UNC13C: variants seen among roughly 807,000 people sequenced by gnomAD.
The protein encoded by UNC13C is protein unc-13 homolog C.
A neutral mutation model predicts 245.4 loss-of-function variants in UNC13C; 174 were observed. The ratio of observed to expected loss-of-function variants is 0.71; its 90% CI spans 0.63 to 0.80. The LOEUF (loss-of-function observed/expected upper bound fraction) is 0.80, where lower values mean the gene tolerates loss of function less well. UNC13C is among the 30% of genes least tolerant of loss of function. UNC13C has a pLI of 0.00. For synonymous variants in UNC13C, 992 were observed against 895.1 expected, an observed-to-expected ratio of 1.11 and a Z score of -1.93; for missense variants, 2,829 against 2,602.9, an observed-to-expected ratio of 1.09 and a Z score of -1.89.
At chr15:54,214,613 A>G (rs1328917085) in intron 4 of UNC13C, among the ~76,000 whole-genome samples, 3 of 151,992 alleles carry the variant, frequency 2.0e-5, no homozygotes, top group Non-Finnish European at 4.4e-5. Context: ...CTTCTAAAGG[A>G]TAGTGTGATT....
At chr15:53,964,936 C>A in the UNC13C span, among the ~76,000 whole-genome samples, 3 of 152,138 alleles carry the variant, frequency 2.0e-5, no homozygotes, top group Non-Finnish European at 2.9e-5. Context: ...CAAGACATAG[C>A]CTGCCCCAAG....
chr15:54,161,300 G>C (rs2032963862), intron 4 of UNC13C, among the ~76,000 whole-genome samples: 1 of 151,990 alleles, frequency 6.6e-6, no homozygotes, highest in African/African-American at 2.4e-5. Context: ...AATAAACAGG[G>C]ACATAAGGCC....
intron 2 of UNC13C, among the ~76,000 whole-genome samples, chr15:54,115,404 TATA>T (rs921920489): frequency 7.9e-5 from 12 of 152,124 alleles, no homozygotes; most frequent in African/African-American, 2.2e-4. Context: ...TTCTTTATTT[TATA>T]ATAAGTCAGT....
At chr15:54,475,148 G>T (rs1218923358) in intron 19 of UNC13C, among the ~76,000 whole-genome samples, 1 of 151,702 alleles carries the variant, frequency 6.6e-6, no homozygotes, top group Non-Finnish European at 1.5e-5. Context: ...GTGCTTTTGA[G>T]GTCTTAGCCA....
rs79063429 is a variant in UNC13C, at chr15:54,391,047, C to T, written c.4714-2001C>T. The stretch of plus-strand genomic sequence containing the variant: ...AAAAGAGTGATGGAAGTACAATTTG[C>T]GACAGGTAAGGGACTTGGGAATGAA... On this transcript the variant is annotated intron_variant, in intron 17 of 32. Coordinates refer to ENST00000260323, the MANE Select transcript of UNC13C (RefSeq NM_001080534.3). Among the ~76,000 whole-genome samples, 684 of 152,168 alleles carry T rather than the reference C, an allele frequency of 4.5e-3. 30 individuals are homozygous for T. The East Asian group carries it at 0.093, about 21-fold the overall frequency.
chr15:54,528,206 A>C (rs1177607034), intron 25 of UNC13C, among the ~76,000 whole-genome samples: 1 of 152,156 alleles, frequency 6.6e-6, no homozygotes, highest in Non-Finnish European at 1.5e-5. Flanking sequence ...GGGAACTGAG[A>C]CTAAGTGATA....
At chr15:54,296,683 A>C (rs544328052) in intron 11 of UNC13C, among the ~76,000 whole-genome samples, 5 of 152,178 alleles carry the variant, frequency 3.3e-5, no homozygotes, top group Admixed American at 2.6e-4. Flanking sequence ...AGTCATCTTC[A>C]TGGTTTAACT....
intron 2 of UNC13C, among the ~76,000 whole-genome samples, chr15:54,103,018 G>A (rs546016820): frequency 1.3e-5 from 2 of 152,334 alleles, no homozygotes; most frequent in African/African-American, 4.8e-5. Context: ...TTTCTGGAAG[G>A]AAGGTAGATT....
intron 17 of UNC13C, among the ~76,000 whole-genome samples, chr15:54,343,294 T>C (rs1278536295): frequency 1.3e-5 from 2 of 152,070 alleles, no homozygotes; most frequent in Non-Finnish European, 2.9e-5. Flanking sequence ...CCACCACGCC[T>C]GGCTTATTTT....
At chr15:54,119,365 G>T (rs1404086773) in intron 2 of UNC13C, among the ~76,000 whole-genome samples, 1 of 152,060 alleles carries the variant, frequency 6.6e-6, no homozygotes, top group Admixed American at 6.6e-5. Context: ...GTATTATAGT[G>T]ATCTGTGATC....
chr15:53,861,383 T>C, the UNC13C span, among the ~76,000 whole-genome samples: 1 of 152,308 alleles, frequency 6.6e-6, no homozygotes, highest in South Asian at 2.1e-4. Context: ...TGGTATTAAA[T>C]AGCCATCTGA....
chr15:54,239,662 G>A (rs926417615), intron 7 of UNC13C, among the ~76,000 whole-genome samples: 8 of 152,078 alleles, frequency 5.3e-5, no homozygotes, highest in African/African-American at 1.9e-4. Flanking sequence ...CTGTTGCCCA[G>A]GCTGGTCTCA....
the UNC13C span, among the ~76,000 whole-genome samples, chr15:53,935,726 C>A: frequency 1.3e-4 from 20 of 152,126 alleles, no homozygotes; most frequent in African/African-American, 4.3e-4. Context: ...GCCAGAAGAG[C>A]CCCCACCCTC....
the UNC13C span, among the ~76,000 whole-genome samples, chr15:53,919,372 TA>T: frequency 5.9e-5 from 9 of 152,226 alleles, no homozygotes; most frequent in Non-Finnish European, 1.2e-4. Flanking sequence ...TTACTTGTCC[TA>T]GGTGACCATG....
Position 54,138,953 on chromosome 15 carries a change from ATTTTTTTTTTT to A in UNC13C, c.2984-4050_2984-4040del, listed in dbSNP as rs56255946. The stretch of plus-strand genomic sequence containing the variant: ...TGCATATATCTCCAAATTTCCCCTA[ATTTTTTTTTTT>A]TTTTTTTTTTTTTTGAGACGGAGTC... On this transcript the variant is annotated intron_variant, in intron 2 of 32. Coordinates refer to ENST00000260323, the MANE Select transcript of UNC13C (RefSeq NM_001080534.3). Among the ~76,000 whole-genome samples, 4 of 48,640 alleles carry A rather than the reference ATTTTTTTTTTT, an allele frequency of 8.2e-5. 1 individual carries two copies. Among genetic ancestry groups the A allele is most frequent in the South Asian group, 2.9e-3 (2 of 700 alleles). 31.9% of individuals were successfully genotyped at this position (48,640 alleles called of 152,430 possible).
At chr15:54,563,920 C>A (rs976806820) in intron 29 of UNC13C, among the ~76,000 whole-genome samples, 2 of 152,016 alleles carry the variant, frequency 1.3e-5, no homozygotes, top group Non-Finnish European at 2.9e-5. Context: ...AGCCCCCTTT[C>A]TCCTGATTAT....
chr15:54,178,483 C>T (rs1037829431), intron 4 of UNC13C, among the ~76,000 whole-genome samples: 5 of 152,124 alleles, frequency 3.3e-5, no homozygotes, highest in Non-Finnish European at 7.4e-5. Context: ...AGAAGAGTAA[C>T]TCCTAGCATC....
chr15:54,019,645 C>T lies in UNC13C; in HGVS notation c.2983+3759C>T, dbSNP rs540117873. ...CTTGTTCTGAAAGAGACTGTGATAT[C>T]GGAAATTAGCATACTTCCTAGTTTT... On this transcript the variant is annotated intron_variant, in intron 2 of 32. Transcript: ENST00000260323. Among the ~76,000 whole-genome samples the T allele has an allele frequency of 7.9e-5, 12 of 152,278 alleles. No homozygotes were observed. In the South Asian group the frequency reaches 1.5e-3, roughly 18 times the overall value.
chr15:54,057,174 TAA>T (rs1447896097), intron 2 of UNC13C, among the ~76,000 whole-genome samples: 2 of 152,146 alleles, frequency 1.3e-5, no homozygotes, highest in African/African-American at 4.8e-5. Context: ...GCAAATTGAT[TAA>T]AGAGTCAAGA....
Sources: allele counts gnomAD v4.1 joint callset (sites outside exome capture counted in the v4.1 genomes callset), GRCh38; gene constraint gnomAD v4.1.1; transcripts MANE v1.5; gene names NCBI Gene and HGNC (gene_info 2026-07-23, HGNC 2026-07-21).